BCAS3: variants seen among roughly 807,000 people sequenced by gnomAD.
The protein encoded by BCAS3 is BCAS3 microtubule associated cell migration factor, also known as BCAS4/BCAS3 fusion.
Under a neutral mutation model 116.1 loss-of-function variants are expected in BCAS3, and 53 were observed. The ratio of observed to expected loss-of-function variants is 0.46; its 90% CI spans 0.37 to 0.57. BCAS3 has a LOEUF of 0.57. Ranked by LOEUF, BCAS3 falls within the 20% of genes least tolerant of loss-of-function variation. The pLI, the probability that BCAS3 is intolerant of heterozygous loss-of-function variation, is 0.00. For synonymous variants in BCAS3, 391 were observed against 408.2 expected (o/e 0.96, Z 0.51); for missense variants, 917 against 1,165.4 (o/e 0.79, Z 3.10).
chr17:61,057,692 T>G (rs1452874723), intron 19 of BCAS3, among the ~76,000 whole-genome samples: 1 of 152,056 alleles, frequency 6.6e-6, no homozygotes, highest in Non-Finnish European at 1.5e-5. Flanking sequence ...TTTTTCACAT[T>G]TTATGTAGCA....
chr17:61,319,226 A>G (rs1375417454), intron 22 of BCAS3, among the ~76,000 whole-genome samples: 3 of 152,178 alleles, frequency 2.0e-5, no homozygotes, highest in Non-Finnish European at 4.4e-5. Flanking sequence ...AGAGAATACT[A>G]ACAATATGTA....
chr17:60,841,546 A>ATTTTTTTTTTTTTTTTTTTTTT (rs754447784), intron 7 of BCAS3, among the ~76,000 whole-genome samples: 1 of 123,488 alleles, frequency 8.1e-6, no homozygotes, highest in African/African-American at 3.5e-5. Context: ...CACCTGGCTA[A>ATTTTTTTTTTTTTTTTTTTTTT]TTTTTTTTTT....
intron 5 of BCAS3, among the ~76,000 whole-genome samples, chr17:60,736,892 C>CCCTTCCTCCCTTCCTCCCTT (rs573534704): frequency 7.7e-6 from 1 of 130,494 alleles, no homozygotes; most frequent in East Asian, 2.6e-4. Flanking sequence ...CTCCCTCCCT[C>CCCTTCCTCCCTTCCTCCCTT]CCTCCCTTCC....
At chr17:61,015,012 C>T (rs1472827583) in intron 15 of BCAS3, among the ~76,000 whole-genome samples, 1 of 152,048 alleles carries the variant, frequency 6.6e-6, no homozygotes, top group African/African-American at 2.4e-5. Context: ...GAAAGGCATC[C>T]TAAGTTCTTG....
At chr17:61,270,574 G>A (rs922409982) in intron 22 of BCAS3, among the ~76,000 whole-genome samples, 4 of 152,002 alleles carry the variant, frequency 2.6e-5, no homozygotes, top group South Asian at 2.1e-4. Flanking sequence ...TCTCCTTTGC[G>A]ACACAGTTTT....
In BCAS3 at chr17:61,265,745, T is replaced by C. The variant is rs765093778; in HGVS notation, c.2426-102582T>C. Reference sequence around the variant, plus strand: ...CTGCCAGGGTTTGTGTGTGTCATACTGTCCTGGACTCTGTATAGCAAAGAT... The same window carrying C: ...CTGCCAGGGTTTGTGTGTGTCATACCGTCCTGGACTCTGTATAGCAAAGAT... On this transcript the variant is annotated intron_variant, in intron 22 of 23. Coordinates refer to ENST00000407086, the MANE Select transcript of BCAS3 (RefSeq NM_017679.5). This position sits in a 1 kb window ranked among gnomAD's most constrained non-coding sequence, Gnocchi z 4.3. Among the ~76,000 whole-genome samples, 2 of 152,188 alleles carry C rather than the reference T, an allele frequency of 1.3e-5. No homozygotes were observed. The highest frequency in any genetic ancestry group is 2.9e-5 in the Non-Finnish European group (2 of 68,038).
rs2071017105 is a variant in BCAS3 at position 61,068,912 on chromosome 17, A to G, written c.2030-6008A>G. ...CAGGTATGTCATTCCTTCCCAAGGT[A>G]GTAAACATAGAATGTTCTTCCTACC... is the stretch of plus-strand genomic sequence containing the variant. On this transcript the variant is annotated intron_variant, in intron 19 of 23. Coordinates refer to ENST00000407086, the MANE Select transcript of BCAS3 (RefSeq NM_017679.5). This position sits in a 1 kb window ranked among gnomAD's most constrained non-coding sequence, Gnocchi z 4.3. 6.6e-6 allele frequency among the ~76,000 whole-genome samples: 1 copy of G among 152,220 alleles called. No individual in the cohort carries two copies. Among genetic ancestry groups the G allele is most frequent in the African/African-American group, 2.4e-5 (1 of 41,460 alleles).
chr17:60,712,198 A>T (rs2038013213), intron 5 of BCAS3, among the ~76,000 whole-genome samples: 1 of 151,680 alleles, frequency 6.6e-6, no homozygotes, highest in African/African-American at 2.4e-5. Context: ...ACATAGTGAG[A>T]CCTTGTCTCT....
intron 6 of BCAS3, among the ~76,000 whole-genome samples, chr17:60,761,828 T>TA (rs2144355897): frequency 7.4e-6 from 1 of 135,462 alleles, no homozygotes; most frequent in South Asian, 2.1e-4. Context: ...ACCAACAGTG[T>TA]AAAAGTGTTC....
Position 61,083,598 on chromosome 17 carries a change from T to TG in BCAS3, c.2328-869_2328-868insG, listed in dbSNP as rs1491122849. Among the ~76,000 whole-genome samples, 1 of 117,924 alleles carries TG rather than the reference T, an allele frequency of 8.5e-6. No homozygotes were observed. Among genetic ancestry groups the TG allele is most frequent in the Admixed American group, 7.8e-5 (1 of 12,854 alleles). 77.4% of individuals were successfully genotyped at this position (117,924 alleles called of 152,430 possible). A position where few individuals can be genotyped will look rare whatever the true frequency, so the allele number is the denominator to read the frequency against. On this transcript the variant is annotated intron_variant, in intron 21 of 23. Transcript: ENST00000407086. The surrounding 1 kb of genome is among the most constrained non-coding windows in gnomAD (Gnocchi z 4.9). ...TTTGGCATTTATATGTTTATTATTC[T>TG]TTTTTTTTTTTTTTTGAGACGGAGT... is the stretch of plus-strand genomic sequence containing the variant.
At chr17:60,958,882 G>A (rs1358718147) in intron 14 of BCAS3, among the ~76,000 whole-genome samples, 1 of 152,152 alleles carries the variant, frequency 6.6e-6, no homozygotes, top group Non-Finnish European at 1.5e-5. Flanking sequence ...GATACAAAGT[G>A]GAGAAAGATT....
rs1389932084 is a variant in BCAS3, at chr17:61,013,192, A to C, written c.1487-2559A>C. ...CGTCTGCTTATCTTTGGTTCTTGGC[A>C]ATTAGCACTTAATGATTCCTGTTTG... On this transcript the variant is annotated intron_variant, in intron 15 of 23. Transcript: ENST00000407086. The surrounding 1 kb of genome is among the most constrained non-coding windows in gnomAD (Gnocchi z 4.4). 1.3e-5 allele frequency among the ~76,000 whole-genome samples: 2 copies of C among 152,098 alleles called. No homozygotes were observed. The highest frequency in any genetic ancestry group is 2.9e-5 in the Non-Finnish European group (2 of 67,976).
At chr17:61,010,659 C>T (rs2065050762) in intron 15 of BCAS3, among the ~76,000 whole-genome samples, 1 of 151,920 alleles carries the variant, frequency 6.6e-6, no homozygotes. Context: ...TAGCTTTAAA[C>T]ATCAAGGGAT....
rs190690949 is a variant in BCAS3, at chr17:61,020,543, T to A, written c.1637+4642T>A. On this transcript the variant is annotated intron_variant, in intron 16 of 23. Transcript: ENST00000407086. The surrounding 1 kb of genome is among the most constrained non-coding windows in gnomAD (Gnocchi z 4.5). ...TTTTCTTTCAGTTTAAGACTGGAGG[T>A]TTAAAAAGTCCAGGTTATCATGTTC... is the stretch of plus-strand genomic sequence containing the variant. 2.1e-3 allele frequency among the ~76,000 whole-genome samples: 327 copies of A among 152,112 alleles called. 1 individual carries two copies. Among genetic ancestry groups the A allele is most frequent in the African/African-American group, 6.8e-3 (283 of 41,496 alleles).
intron 22 of BCAS3, among the ~76,000 whole-genome samples, chr17:61,230,139 G>A (rs1020991630): frequency 9.5e-5 from 4 of 42,174 alleles, no homozygotes; most frequent in African/African-American, 2.1e-4. Context: ...AAAAGTGTGT[G>A]TATACACACA....
Position 61,289,896 on chromosome 17 carries a change from G to C in BCAS3, c.2426-78431G>C, listed in dbSNP as rs571286347. Among the ~76,000 whole-genome samples the C allele has an allele frequency of 4.6e-5, 7 of 152,268 alleles. No individual in the cohort carries two copies. The East Asian group carries it at 1.3e-3, about 29-fold the overall frequency. On this transcript the variant is annotated intron_variant, in intron 22 of 23. Transcript: ENST00000407086. ...GAGAGGTATAAAGGTCTGTTCCTTA[G>C]AATCAATTTGTTTGAGTGTTTATTT...
chr17:61,374,540 G>A (rs1444520604), intron 23 of BCAS3, among the ~76,000 whole-genome samples: 1 of 152,186 alleles, frequency 6.6e-6, no homozygotes, highest in Non-Finnish European at 1.5e-5. Flanking sequence ...CCCCGTGACT[G>A]TTCCTTCCTG....
At position 60,902,534 on chromosome 17, in the gene BCAS3, G is replaced by A. The variant is rs150947543; in HGVS notation, c.739-86G>A. ...CCCACCCATCACCATCACTGTTCAC[G>A]GAAAATAAGCTCTATCCTGATAGCC... On this transcript the variant is annotated intron_variant, in intron 10 of 23. Coordinates refer to ENST00000407086, the MANE Select transcript of BCAS3 (RefSeq NM_017679.5). The A allele has an allele frequency of 7.1e-3, 7,935 of 1,119,188 alleles. 49 individuals carry two copies. The highest frequency in any genetic ancestry group is 8.2e-3 in the Non-Finnish European group (6,142 of 751,418). 69.3% of individuals were successfully genotyped at this position (1,119,188 alleles called of 1,614,324 possible). A position where few individuals can be genotyped will look rare whatever the true frequency, so the allele number is the denominator to read the frequency against.
chr17:61,362,892 T>G lies in BCAS3; in HGVS notation c.2426-5435T>G, dbSNP rs1451158486. The G allele has an allele frequency of 6.6e-6, 1 of 152,354 alleles. No homozygotes were observed. Among genetic ancestry groups the G allele is most frequent in the African/African-American group, 2.4e-5 (1 of 41,578 alleles). 9.4% of individuals were successfully genotyped at this position (152,354 alleles called of 1,614,324 possible). On this transcript the variant is annotated intron_variant, in intron 22 of 23. Coordinates refer to ENST00000407086, the MANE Select transcript of BCAS3 (RefSeq NM_017679.5). This position sits in a 1 kb window ranked among gnomAD's most constrained non-coding sequence, Gnocchi z 4.4. ...CTTCTTCTTCCTTCCTCTCTTTTAA[T>G]TTTAACTCCACTTTCTGCCTACTCT...
Sources: gnomAD v4.1 joint callset for allele counts (sites outside exome capture counted in the v4.1 genomes callset) on GRCh38, gnomAD v4.1.1 for gene constraint, Gnocchi (gnomAD v3.1) non-coding constraint, MANE v1.5 for transcripts, NCBI Gene and HGNC (gene_info 2026-07-23, HGNC 2026-07-21) for gene names.